Variants in PLA2G4C observed in about 807,000 individuals in gnomAD.
PLA2G4C encodes the protein cytosolic phospholipase A2 gamma.
A neutral mutation model predicts 73.8 loss-of-function variants in PLA2G4C; 64 were observed. The ratio of observed to expected loss-of-function variants is 0.87; its 90% confidence interval spans 0.71 to 1.07. The LOEUF is 1.07. PLA2G4C is among the 50% of genes least tolerant of loss of function. PLA2G4C has a pLI of 0.00. For synonymous variants in PLA2G4C, 254 were observed against 252.1 expected (o/e 1.01, Z -0.07); for missense variants, 622 against 665.4 (o/e 0.93, Z 0.72).
intron 16 of PLA2G4C, among the ~76,000 whole-genome samples, chr19:48,051,560 AGAGAGAGATCG>A (rs1967726077): frequency 1.3e-5 from 1 of 75,678 alleles, no homozygotes. Context: ...GAGAGATGAG[AGAGAGAGATCG>A]AGAGAGAGAG....
intron 13 of PLA2G4C, among the ~76,000 whole-genome samples, chr19:48,063,172 T>G (rs1464446572): frequency 6.6e-6 from 1 of 152,112 alleles, no homozygotes; most frequent in African/African-American, 2.4e-5. Flanking sequence ...GCCTCCCAAG[T>G]AGCTGGGATT....
chr19:48,108,065 G>A (rs1245130344), intron 1 of PLA2G4C, among the ~76,000 whole-genome samples: 2 of 152,090 alleles, frequency 1.3e-5, no homozygotes, highest in Non-Finnish European at 2.9e-5. Flanking sequence ...GCGTCTTGGT[G>A]GTAGTGGTCC....
intron 2 of PLA2G4C, 39 bp from the exon 3 acceptor site, chr19:48,105,483 C>A (rs1406122297): frequency 6.7e-7 from 1 of 1,501,152 alleles, no homozygotes; most frequent in Non-Finnish European, 9.2e-7. Flanking sequence ...AGAAAATTCA[C>A]AGGGAAAAGG....
intron 9 of PLA2G4C, among the ~76,000 whole-genome samples, chr19:48,086,134 G>C (rs187317632): frequency 6.6e-6 from 1 of 152,308 alleles, no homozygotes; most frequent in East Asian, 1.9e-4. Context: ...CAGGACCCTG[G>C]CACATGGCTA....
intron 9 of PLA2G4C, 135 bp from the exon 10 acceptor site, chr19:48,085,247 A>G: frequency 4.5e-6 from 3 of 673,642 alleles, no homozygotes; most frequent in Non-Finnish European, 8.0e-6. Context: ...CTTCCATTCC[A>G]TAAATATTTA....
intron 10 of PLA2G4C, among the ~76,000 whole-genome samples, chr19:48,078,871 C>CT (rs33976382): frequency 0.29 from 39,628 of 137,852 alleles, 6,371 homozygotes; most frequent in South Asian, 0.37. Context: ...TCCTAAAATC[C>CT]TTTTTTTTTT....
chr19:48,078,747 C>T (rs2030335149), intron 10 of PLA2G4C, among the ~76,000 whole-genome samples: 1 of 152,274 alleles, frequency 6.6e-6, no homozygotes, highest in East Asian at 1.9e-4. Flanking sequence ...AAACACATCC[C>T]ATGCTCATGG....
chr19:48,098,863 C>T (rs2031754725), intron 5 of PLA2G4C, among the ~76,000 whole-genome samples: 3 of 150,920 alleles, frequency 2.0e-5, no homozygotes, highest in South Asian at 4.2e-4. Context: ...GATTGCACCA[C>T]TGCACTCCAG....
chr19:48,105,688 G>A (rs1226897537), intron 2 of PLA2G4C, among the ~76,000 whole-genome samples: 1 of 151,788 alleles, frequency 6.6e-6, no homozygotes, highest in Non-Finnish European at 1.5e-5. Flanking sequence ...GGCCAGACGC[G>A]GTGGCTCACA....
At chr19:48,058,365 T>C (rs1968039964) in intron 14 of PLA2G4C, among the ~76,000 whole-genome samples, 1 of 151,840 alleles carries the variant, frequency 6.6e-6, no homozygotes. Context: ...CTCAAATTGC[T>C]GATCTCAAGT....
At chr19:48,083,908 A>C (rs2030808002) in intron 10 of PLA2G4C, among the ~76,000 whole-genome samples, 1 of 152,014 alleles carries the variant, frequency 6.6e-6, no homozygotes, top group African/African-American at 2.4e-5. Flanking sequence ...TGCACTCACC[A>C]ACCAGTTACA....
rs867663068 is a variant in PLA2G4C, at chr19:48,072,061, G to A, written c.1006+2706C>T. The stretch of plus-strand genomic sequence containing the variant: ...CTCGGGAGGCTGAGGCAGGAGAATC[G>A]CTTGAACCCGGGAGGCAGAGGTTGC... On this transcript the variant is annotated intron_variant, in intron 12 of 16. Transcript: ENST00000599921. The surrounding 1 kb of genome is among the most constrained non-coding windows in gnomAD (Gnocchi z 4.4). 3.3e-5 allele frequency among the ~76,000 whole-genome samples: 5 copies of A among 151,882 alleles called. No homozygotes were observed. Among genetic ancestry groups the A allele is most frequent in the African/African-American group, 9.7e-5 (4 of 41,380 alleles).
At chr19:48,102,351 C>T (rs382845) in intron 4 of PLA2G4C, among the ~76,000 whole-genome samples, 28,015 of 151,314 alleles carry the variant, frequency 0.19, 5,341 homozygotes, top group African/African-American at 0.48. Context: ...ATTAGCTGGG[C>T]ATGGTGGCAC....
chr19:48,083,060 C>T (rs1008462823), intron 10 of PLA2G4C, among the ~76,000 whole-genome samples: 5 of 152,062 alleles, frequency 3.3e-5, no homozygotes, highest in Non-Finnish European at 5.9e-5. Context: ...GTGATCCACC[C>T]GCCTCGGCCC....
At chr19:48,105,947 CTTCT>C (rs1216106059) in intron 2 of PLA2G4C, among the ~76,000 whole-genome samples, 708 of 9,114 alleles carry the variant, frequency 0.078, 75 homozygotes, top group Middle Eastern at 0.1. Flanking sequence ...CCCTCCCTCC[CTTCT>C]TTCTTTCTTT....
chr19:48,106,579 C>T lies in PLA2G4C; in HGVS notation c.-32-18G>A. The stretch of plus-strand genomic sequence containing the variant: ...CAGTCCTCCTGCCAAAGAAATGGCT[C>T]TTCTTAGTCCTGTGCCCACTGTTGG... On this transcript the variant is annotated intron_variant, in intron 1 of 16. Coordinates refer to ENST00000599921, the MANE Select transcript of PLA2G4C (RefSeq NM_003706.3). 6.2e-7 allele frequency: 1 copy of T among 1,609,178 alleles called. No individual in the cohort carries two copies. Among genetic ancestry groups the T allele is most frequent in the Non-Finnish European group, 8.5e-7 (1 of 1,175,516 alleles).
intron 11 of PLA2G4C, 55 bp from the exon 12 acceptor site, chr19:48,074,929 C>T (rs973333179): frequency 3.6e-5 from 40 of 1,126,156 alleles, no homozygotes; most frequent in Middle Eastern, 4.1e-4. Flanking sequence ...CTACCAAGAA[C>T]ATCACAGACC....
In PLA2G4C at chr19:48,062,135, T is replaced by A; in HGVS notation, c.1120A>T (p.Ile374Leu). 1 of 1,587,520 alleles carries A rather than the reference T, an allele frequency of 6.3e-7. No individual in the cohort carries two copies. The highest frequency in any genetic ancestry group is 8.6e-7 in the Non-Finnish European group (1 of 1,165,368). ...TGGAGGTGCTTCCGGCTGCTCATTA[T>A]CTTGTCCCGGATGCCACCTGTGGTG... ...LYKHGGIRDK[I>L]MSSRKHLHLV... Residue 374 changes from isoleucine to leucine, a missense_variant, in exon 14 of 17, where the codon ATA (isoleucine) becomes TTA (leucine). Ile to Leu is a conservative substitution (Grantham distance 5). Coordinates refer to ENST00000599921, the MANE Select transcript of PLA2G4C (RefSeq NM_003706.3).
At chr19:48,060,894 T>C (rs1968143264) in intron 14 of PLA2G4C, among the ~76,000 whole-genome samples, 1 of 152,180 alleles carries the variant, frequency 6.6e-6, no homozygotes, top group Non-Finnish European at 1.5e-5. Flanking sequence ...ACATTACACA[T>C]AAATATAATA....
Sources: allele counts gnomAD v4.1 joint callset (sites outside exome capture counted in the v4.1 genomes callset), GRCh38; gene constraint gnomAD v4.1.1; non-coding constraint Gnocchi (gnomAD v3.1); transcripts MANE v1.5; gene names NCBI Gene and HGNC (gene_info 2026-07-23, HGNC 2026-07-21).